CPAMD8: variants seen among roughly 807,000 people sequenced by gnomAD.
CPAMD8 encodes C3 and PZP like alpha-2-macroglobulin domain containing 8.
A neutral mutation model predicts 224.7 loss-of-function variants in CPAMD8; 146 were observed. The observed-to-expected ratio is 0.65, with a 90% CI of 0.57 to 0.75. The LOEUF (loss-of-function observed/expected upper bound fraction) is 0.75. CPAMD8 is among the 30% of genes least tolerant of loss of function. The pLI, the probability that CPAMD8 is intolerant of heterozygous loss-of-function variation, is 0.00. For missense variants in CPAMD8, 2,301 were observed against 2,537.5 expected (o/e 0.91, Z 2.00); for synonymous variants, 966 against 1,044.6 (o/e 0.92, Z 1.45).
At chr19:16,989,530 G>C (rs911352643) in intron 13 of CPAMD8, 113 bp downstream of exon 13, 3 of 1,308,394 alleles carry the variant, frequency 2.3e-6, no homozygotes, top group African/African-American at 3.0e-5. Flanking sequence ...CCAGTGATCC[G>C]CCTGCCTCGG....
intron 9 of CPAMD8, among the ~76,000 whole-genome samples, chr19:17,001,247 C>T (rs1227074980): frequency 1.3e-5 from 2 of 148,382 alleles, no homozygotes; most frequent in Non-Finnish European, 3.0e-5. Context: ...CAATTGAGCC[C>T]GGTAGGCAGA....
At chr19:16,924,967 G>A (rs1040559054) in intron 26 of CPAMD8, among the ~76,000 whole-genome samples, 1 of 152,162 alleles carries the variant, frequency 6.6e-6, no homozygotes, top group Non-Finnish European at 1.5e-5. Context: ...TTAAAAAGAT[G>A]CTTTTCCTCT....
intron 15 of CPAMD8, among the ~76,000 whole-genome samples, chr19:16,977,037 G>A (rs1355984396): frequency 2.7e-5 from 4 of 150,466 alleles, no homozygotes; most frequent in South Asian, 2.1e-4. Context: ...GCTTGACTCC[G>A]TCTCAAAATA....
chr19:16,943,622 C>A lies in CPAMD8; in HGVS notation c.2793+1927G>T, dbSNP rs79118495. Among the ~76,000 whole-genome samples, 492 of 152,284 alleles carry A rather than the reference C, an allele frequency of 3.2e-3. 2 individuals are homozygous for A. The highest frequency in any genetic ancestry group is 0.011 in the African/African-American group (456 of 41,552). On this transcript the variant is annotated intron_variant, in intron 22 of 41. Coordinates refer to ENST00000443236, the MANE Select transcript of CPAMD8 (RefSeq NM_015692.5). Reference sequence around the variant, plus strand: ...TCCATTGCATTGAGGAATTGCATTTCATTGACCCACATTCATTTCTCTAAT... The same window carrying A: ...TCCATTGCATTGAGGAATTGCATTTAATTGACCCACATTCATTTCTCTAAT...
intron 18 of CPAMD8, among the ~76,000 whole-genome samples, chr19:16,967,686 G>A (rs1205252830): frequency 2.0e-5 from 3 of 151,502 alleles, no homozygotes; most frequent in Non-Finnish European, 4.4e-5. Flanking sequence ...GTGGGTGCCT[G>A]TAGTCCCAGG....
chr19:16,996,998 G>A (rs2056147234), intron 11 of CPAMD8, 113 bp downstream of exon 11: 1 of 713,836 alleles, frequency 1.4e-6, no homozygotes. Flanking sequence ...CTCCGCAAAG[G>A]TTATGTCAGG....
intron 2 of CPAMD8, among the ~76,000 whole-genome samples, chr19:17,021,767 C>T (rs548738623): frequency 2.0e-5 from 3 of 152,332 alleles, no homozygotes; most frequent in South Asian, 4.1e-4. Flanking sequence ...GGTGGGTGCC[C>T]GTGCTCTGCC....
intron 8 of CPAMD8, among the ~76,000 whole-genome samples, chr19:17,004,013 C>T (rs1368419827): frequency 6.6e-6 from 1 of 151,778 alleles, no homozygotes; most frequent in Admixed American, 6.6e-5. Context: ...TCAAGTGATA[C>T]TCCTGCCTCA....
At chr19:17,009,479 G>C (rs2056588592) in intron 5 of CPAMD8, 159 bp from the exon 6 acceptor site, 2 of 1,290,064 alleles carry the variant, frequency 1.6e-6, no homozygotes, top group Non-Finnish European at 2.1e-6. Context: ...ACCCCAAGTA[G>C]GGTCTTTAGA....
At chr19:16,912,938 C>T (rs975581512) in intron 29 of CPAMD8, among the ~76,000 whole-genome samples, 8 of 152,174 alleles carry the variant, frequency 5.3e-5, no homozygotes, top group Non-Finnish European at 1.0e-4. Flanking sequence ...GATGATAGAA[C>T]ATCATCAATT....
At chr19:16,907,306 CCTT>C (rs1436514056) in intron 29 of CPAMD8, among the ~76,000 whole-genome samples, 189 bp from the exon 30 acceptor site, 26 of 103,466 alleles carry the variant, frequency 2.5e-4, no homozygotes, top group Non-Finnish European at 1.1e-4. Context: ...TTCTTTCTTG[CCTT>C]TTTTTTTTTT....
chr19:16,900,436 C>A (rs7257262), intron 36 of CPAMD8, among the ~76,000 whole-genome samples: 40,089 of 151,378 alleles, frequency 0.26, 6,084 homozygotes, highest in Non-Finnish European at 0.34. Flanking sequence ...CATCTCTACT[C>A]AATACAAAAA....
Position 16,970,995 on chromosome 19 carries a change from C to G in CPAMD8, c.2109G>C (p.Leu703=). The G allele has an allele frequency of 6.2e-7, 1 of 1,612,712 alleles. No individual in the cohort carries two copies. Among genetic ancestry groups the G allele is most frequent in the Middle Eastern group, 1.7e-4 (1 of 6,056 alleles). The change falls in exon 18 of 42, where the codon CTG becomes CTC. Residue 703 remains leucine, a synonymous_variant. Transcript: ENST00000443236. ...GLVVMTDRVS[L]NHRQDGGLYT... ...AGAGGCCACCGTCCTGCCGGTGGTT[C>G]AGGCTCACTCGGTCGGTCATCACCA...
intron 22 of CPAMD8, among the ~76,000 whole-genome samples, chr19:16,942,462 C>T (rs997603545): frequency 1.3e-5 from 2 of 152,066 alleles, no homozygotes; most frequent in South Asian, 2.1e-4. Context: ...ACTCCATCCC[C>T]AAAACTAGTA....
At chr19:17,015,456 T>C (rs67051471) in intron 3 of CPAMD8, among the ~76,000 whole-genome samples, 36,863 of 151,662 alleles carry the variant, frequency 0.24, 4,726 homozygotes, top group African/African-American at 0.25. Context: ...CGGGGTGCAC[T>C]AGGACCCCCG....
Position 16,898,048 on chromosome 19 carries a change from TGAGCTC to T in CPAMD8, c.4849-60_4849-55del. 2 of 1,357,744 alleles carry T rather than the reference TGAGCTC, an allele frequency of 1.5e-6. No homozygotes were observed. Among genetic ancestry groups the T allele is most frequent in the Non-Finnish European group, 2.0e-6 (2 of 980,622 alleles). The allele number at this position is 1,357,744 out of a possible 1,614,324, so 84.1% of individuals were successfully genotyped here. On this transcript the variant is annotated intron_variant, in intron 37 of 41. Coordinates refer to ENST00000443236, the MANE Select transcript of CPAMD8 (RefSeq NM_015692.5). This position sits in a 1 kb window ranked among gnomAD's most constrained non-coding sequence, Gnocchi z 4.2. ...ACCCGGGCCAGGAGGCCCGGGGCGC[TGAGCTC>T]AGGCCCAGAACTGGCTGATTTCAGG...
Position 16,914,730 on chromosome 19 carries a change from C to G in CPAMD8, c.3713G>C (p.Ser1238Thr), listed in dbSNP as rs1304949160. ...GGCCTGCTGCTGCTGGATGATCCAG[C>G]TCTTGGCGGCAGCCAGCTCCCGGGG... ...VDPRELAAAK[S>T]WIIQQQQADG... is the part of the protein sequence containing the mutation. The change falls in exon 28 of 42, where the codon AGC becomes ACC. Residue 1238 changes from serine (S) to threonine (T), a missense_variant. Ser to Thr is a moderately conservative substitution (Grantham distance 58, BLOSUM62 1). Around this residue, in one of 4 missense-constraint regions of CPAMD8, gnomAD observed 1,709 missense variants for 1,753.2 expected, o/e 0.97. Transcript: ENST00000443236. 2 of 1,613,994 alleles carry G rather than the reference C, an allele frequency of 1.2e-6. No homozygotes were observed. The highest frequency in any genetic ancestry group is 2.7e-5 in the African/African-American group (2 of 74,954).
intron 3 of CPAMD8, among the ~76,000 whole-genome samples, chr19:17,012,609 A>G (rs1338617707): frequency 1.3e-5 from 2 of 152,106 alleles, no homozygotes; most frequent in Non-Finnish European, 2.9e-5. Context: ...TCAGCCTCAG[A>G]TTACAGACGT....
rs139879619 is a variant in CPAMD8 at position 16,956,537 on chromosome 19, A to G, written c.2276+1316T>C. On this transcript the variant is annotated intron_variant, in intron 19 of 41. Coordinates refer to ENST00000443236, the MANE Select transcript of CPAMD8 (RefSeq NM_015692.5). ...TATTCAAGGGACCATCCTTAACATCAAAAACATCCGGGCCAGGAGCAGTAG... is the reference window on the plus strand; with the variant it reads ...TATTCAAGGGACCATCCTTAACATCGAAAACATCCGGGCCAGGAGCAGTAG... Among the ~76,000 whole-genome samples the G allele has an allele frequency of 5.6e-4, 86 of 152,288 alleles. 1 individual carries two copies. In the Middle Eastern group the frequency reaches 0.014, roughly 24 times the overall value.
Sources: allele counts gnomAD v4.1 joint callset (sites outside exome capture counted in the v4.1 genomes callset), GRCh38; gene constraint gnomAD v4.1.1; regional missense constraint gnomAD v4.1.1; non-coding constraint Gnocchi (gnomAD v3.1); transcripts MANE v1.5; gene names NCBI Gene and HGNC (gene_info 2026-07-23, HGNC 2026-07-21).